The following COG5 variants were observed in gnomAD, a reference collection of about 807,000 sequenced individuals.
COG5 encodes the protein component of oligomeric golgi complex 5.
COG5 carries 86 observed loss-of-function variants against 110.4 expected under a neutral mutation model. The ratio of observed to expected loss-of-function variants is 0.78; its 90% confidence interval spans 0.65 to 0.93. The LOEUF (loss-of-function observed/expected upper bound fraction) is 0.93. COG5 is among the 40% of genes least tolerant of loss of function. The pLI is 0.00. For synonymous variants in COG5, 360 were observed against 334.6 expected (o/e 1.08, Z -0.83); for missense variants, 1,077 against 987.0 (o/e 1.09, Z -1.22).
chr7:107,222,486 G>A (rs913001535), intron 19 of COG5, among the ~76,000 whole-genome samples: 3 of 152,138 alleles, frequency 2.0e-5, no homozygotes, highest in Non-Finnish European at 4.4e-5. Flanking sequence ...TTACAGGCGT[G>A]AGCCACCACG....
chr7:107,208,770 G>A, intron 21 of COG5: 8 of 985,414 alleles, frequency 8.1e-6, no homozygotes, highest in Non-Finnish European at 9.6e-6. Flanking sequence ...ACGCCCAGAG[G>A]GCCAGTGGCT....
rs528952852 is a variant in COG5, at chr7:107,234,064, T to C, written c.2091+2386A>G. Among the ~76,000 whole-genome samples the C allele has an allele frequency of 2.1e-3, 327 of 152,352 alleles. 2 individuals carry two copies. The highest frequency in any genetic ancestry group is 7.4e-3 in the African/African-American group (309 of 41,582). ...TGATAGTGCCTCCGCCTGTCTTTTC[T>C]GTACCCATGATCCACAGGACTGGAG... On this transcript the variant is annotated intron_variant, in intron 18 of 21. Coordinates refer to ENST00000297135, the MANE Select transcript of COG5 (RefSeq NM_006348.5).
chr7:107,284,011 A>G (rs1584619356), intron 12 of COG5, among the ~76,000 whole-genome samples: 2 of 148,356 alleles, frequency 1.3e-5, no homozygotes, highest in African/African-American at 4.9e-5. Context: ...TGCAACCTCT[A>G]CCTCCTGGGT....
intron 6 of COG5, among the ~76,000 whole-genome samples, chr7:107,434,773 A>T (rs1794254996): frequency 6.6e-6 from 1 of 152,104 alleles, no homozygotes; most frequent in Non-Finnish European, 1.5e-5. Context: ...GATCAAGACC[A>T]TCCTGGCTAA....
At chr7:107,206,882 G>GCAAA (rs961726302) in intron 21 of COG5, among the ~76,000 whole-genome samples, 2 of 152,146 alleles carry the variant, frequency 1.3e-5, no homozygotes, top group African/African-American at 2.4e-5. Context: ...ATTTGCTTAA[G>GCAAA]CAAAACATTA....
intron 11 of COG5, among the ~76,000 whole-genome samples, chr7:107,321,573 G>A (rs542548101): frequency 6.6e-6 from 1 of 152,218 alleles, no homozygotes; most frequent in Admixed American, 6.5e-5. Flanking sequence ...TGTAAACATA[G>A]ACATTCAGAA....
intron 11 of COG5, among the ~76,000 whole-genome samples, chr7:107,300,493 G>A (rs1320958590): frequency 1.3e-5 from 2 of 152,138 alleles, no homozygotes; most frequent in Non-Finnish European, 2.9e-5. Flanking sequence ...TGCAGGATAC[G>A]ATTAATGTGC....
At chr7:107,396,112 C>T (rs1374317755) in intron 7 of COG5, among the ~76,000 whole-genome samples, 1 of 152,160 alleles carries the variant, frequency 6.6e-6, no homozygotes, top group African/African-American at 2.4e-5. Flanking sequence ...TTATGTTACA[C>T]ACACGTAACA....
At chr7:107,342,586 G>A (rs1447043067) in intron 10 of COG5, among the ~76,000 whole-genome samples, 1 of 152,020 alleles carries the variant, frequency 6.6e-6, no homozygotes, top group Non-Finnish European at 1.5e-5. Flanking sequence ...GCTGAGGCAG[G>A]AGACTTGCTT....
intron 21 of COG5, chr7:107,210,049 T>G: frequency 1.9e-6 from 2 of 1,026,760 alleles, no homozygotes; most frequent in East Asian, 8.1e-5. Flanking sequence ...GTGAATGCAT[T>G]CATGGGGCAC....
At chr7:107,389,089 C>T (rs1790430623) in intron 7 of COG5, among the ~76,000 whole-genome samples, 1 of 152,238 alleles carries the variant, frequency 6.6e-6, no homozygotes, top group Non-Finnish European at 1.5e-5. Flanking sequence ...GCAACCTGTA[C>T]CTGCTACACT....
chr7:107,274,296 C>T (rs183019472), intron 14 of COG5, among the ~76,000 whole-genome samples: 6 of 152,208 alleles, frequency 3.9e-5, no homozygotes, highest in Admixed American at 3.9e-4. Flanking sequence ...ATAGCGAAAC[C>T]CTGTCTCTAA....
At chr7:107,507,959 G>A (rs1044528824) in intron 6 of COG5, among the ~76,000 whole-genome samples, 1 of 152,240 alleles carries the variant, frequency 6.6e-6, no homozygotes, top group Non-Finnish European at 1.5e-5. Context: ...GAGCGACGCA[G>A]AAGACGGGTG....
intron 16 of COG5, among the ~76,000 whole-genome samples, chr7:107,255,757 T>C (rs1802835097): frequency 6.6e-6 from 1 of 152,164 alleles, no homozygotes; most frequent in Admixed American, 6.6e-5. Flanking sequence ...TTTGAGGTCA[T>C]ATAGCTGGTT....
chr7:107,292,870 T>C (rs565770141), intron 12 of COG5, among the ~76,000 whole-genome samples: 8 of 152,334 alleles, frequency 5.3e-5, no homozygotes, highest in Admixed American at 3.3e-4. Flanking sequence ...TGTCTTTAGA[T>C]AAATGCACAC....
At chr7:107,309,878 A>G (rs1808068941) in intron 11 of COG5, among the ~76,000 whole-genome samples, 1 of 152,176 alleles carries the variant, frequency 6.6e-6, no homozygotes, top group Admixed American at 6.5e-5. Context: ...GTTCCTGCCA[A>G]TGTATTCTTC....
chr7:107,339,500 A>C (rs1811003689), intron 10 of COG5, among the ~76,000 whole-genome samples: 1 of 152,026 alleles, frequency 6.6e-6, no homozygotes, highest in African/African-American at 2.4e-5. Flanking sequence ...TTCTGGACTT[A>C]AGTTCAGCAC....
At chr7:107,550,942 A>G (rs991428780) in intron 3 of COG5, among the ~76,000 whole-genome samples, 1 of 151,970 alleles carries the variant, frequency 6.6e-6, no homozygotes, top group East Asian at 1.9e-4. Context: ...CCAAAAGGAC[A>G]GTGACTTTGT....
intron 6 of COG5, among the ~76,000 whole-genome samples, chr7:107,467,435 C>T (rs1325079860): frequency 6.6e-6 from 1 of 152,156 alleles, no homozygotes; most frequent in Non-Finnish European, 1.5e-5. Flanking sequence ...CAGCTCACTG[C>T]AATCTCTGCC....
Sources: allele counts gnomAD v4.1 joint callset (sites outside exome capture counted in the v4.1 genomes callset), GRCh38; gene constraint gnomAD v4.1.1; transcripts MANE v1.5; gene names NCBI Gene and HGNC (gene_info 2026-07-23, HGNC 2026-07-21).